Variants in RFX4 observed in about 807,000 individuals in gnomAD.
The protein encoded by RFX4 is transcription factor RFX4.
A neutral mutation model predicts 95.0 loss-of-function variants in RFX4; 10 were observed. The ratio of observed to expected loss-of-function variants is 0.11; its 90% CI spans 0.06 to 0.18. The LOEUF (loss-of-function observed/expected upper bound fraction) is 0.18, where lower values mean the gene tolerates loss of function less well. Ranked by LOEUF, RFX4 falls within the 10% of genes least tolerant of loss-of-function variation. RFX4 has a pLI of 1.00. For synonymous variants in RFX4, 321 were observed against 340.7 expected, an observed-to-expected ratio of 0.94 and a Z score of 0.64; for missense variants, 640 against 922.0, an observed-to-expected ratio of 0.69 and a Z score of 3.96.
chr12:106,623,190 C>A (rs2040220444), intron 2 of RFX4, among the ~76,000 whole-genome samples: 1 of 151,690 alleles, frequency 6.6e-6, no homozygotes, highest in African/African-American at 2.4e-5. Context: ...AGGCGCCCAC[C>A]ACTGCACCTG....
intron 17 of RFX4, among the ~76,000 whole-genome samples, chr12:106,757,612 A>C (rs1158647776): frequency 6.6e-6 from 1 of 151,858 alleles, no homozygotes; most frequent in African/African-American, 2.4e-5. Flanking sequence ...TGGGAGCTAC[A>C]TCCTTCTCCA....
chr12:106,587,895 TC>T (rs1354230681), intron 1 of RFX4, among the ~76,000 whole-genome samples: 1 of 152,102 alleles, frequency 6.6e-6, no homozygotes. Context: ...TTCTGATTTT[TC>T]CCCCCTTTTT....
At chr12:106,674,187 C>CA (rs1184170962) in intron 4 of RFX4, among the ~76,000 whole-genome samples, 1 of 152,234 alleles carries the variant, frequency 6.6e-6, no homozygotes, top group Non-Finnish European at 1.5e-5. Context: ...AGGTCCTTCC[C>CA]ATGGGCTATT....
chr12:106,731,831 C>T lies in RFX4; in HGVS notation c.1352-299C>T, dbSNP rs545172692. ...GATGAGGCCAGTGGGTAAGCAAGAG[C>T]TCAGAGATGGCTCGGTGGGTGCCAT... On this transcript the variant is annotated intron_variant, in intron 13 of 17. Coordinates refer to ENST00000392842, the MANE Select transcript of RFX4 (RefSeq NM_213594.3). 7.9e-5 allele frequency among the ~76,000 whole-genome samples: 12 copies of T among 152,152 alleles called. No homozygotes were observed. The South Asian group carries it at 2.5e-3, about 32-fold the overall frequency.
rs75269667 is a variant in RFX4 at position 106,749,849 on chromosome 12, G to A, written c.1797-806G>A. Among the ~76,000 whole-genome samples, 361 of 152,242 alleles carry A rather than the reference G, an allele frequency of 2.4e-3. 14 individuals are homozygous for A. In the East Asian group the frequency reaches 0.052, roughly 22 times the overall value. The stretch of plus-strand genomic sequence containing the variant: ...GGGTCTTTGATGCCTGTTTGAACAC[G>A]CCATGGTGCTCTCCCCCCAGGAGAC... On this transcript the variant is annotated intron_variant, in intron 16 of 17. Transcript: ENST00000392842.
intron 3 of RFX4, among the ~76,000 whole-genome samples, chr12:106,640,354 C>G (rs2040596336): frequency 6.6e-6 from 1 of 152,142 alleles, no homozygotes. Flanking sequence ...GAGGACAGAT[C>G]AGAAAAGGAA....
At chr12:106,705,144 C>T (rs2042059962) in intron 8 of RFX4, among the ~76,000 whole-genome samples, 2 of 152,202 alleles carry the variant, frequency 1.3e-5, no homozygotes, top group Non-Finnish European at 2.9e-5. Context: ...TTGGGACTAA[C>T]AACAGTATGT....
At chr12:106,650,045 G>A (rs116960016) in intron 3 of RFX4, among the ~76,000 whole-genome samples, 3,344 of 152,260 alleles carry the variant, frequency 0.022, 57 homozygotes, top group Middle Eastern at 0.051. Context: ...CAGCCACTAT[G>A]TGCCAGGCTT....
At chr12:106,662,277 G>C in intron 4 of RFX4, 1 of 244,498 alleles carries the variant, frequency 4.1e-6, no homozygotes, top group South Asian at 4.6e-5. Flanking sequence ...GTAGTGGTAT[G>C]TCGTTGTTTT....
chr12:106,669,426 G>T (rs753705079), intron 4 of RFX4, among the ~76,000 whole-genome samples: 1 of 152,134 alleles, frequency 6.6e-6, no homozygotes. Context: ...TGAAGATTTG[G>T]CTCCTTTCTC....
intron 1 of RFX4, chr12:106,601,417 C>T: frequency 1.4e-6 from 2 of 1,466,720 alleles, no homozygotes; most frequent in Admixed American, 4.7e-5. Context: ...GGGGCCAGGC[C>T]CGCCTTGGTA....
intron 17 of RFX4, among the ~76,000 whole-genome samples, chr12:106,755,726 G>A (rs895531217): frequency 6.6e-6 from 1 of 152,138 alleles, no homozygotes; most frequent in African/African-American, 2.4e-5. Flanking sequence ...CCAGAGCAGG[G>A]GTCAAGCTGT....
intron 5 of RFX4, 146 bp from the exon 6 acceptor site, chr12:106,686,738 C>A (rs1262896487): frequency 1.5e-6 from 1 of 672,192 alleles, no homozygotes; most frequent in African/African-American, 1.8e-5. Flanking sequence ...GGAGAGTTAA[C>A]TCTTCTATCC....
chr12:106,615,127 T>C (rs1221034957), intron 2 of RFX4, among the ~76,000 whole-genome samples: 1 of 152,196 alleles, frequency 6.6e-6, no homozygotes, highest in Non-Finnish European at 1.5e-5. Flanking sequence ...CTTTCATTTT[T>C]ATATCAATAG....
intron 1 of RFX4, among the ~76,000 whole-genome samples, chr12:106,598,745 A>C (rs1330722200): frequency 6.6e-6 from 1 of 152,164 alleles, no homozygotes; most frequent in African/African-American, 2.4e-5. Flanking sequence ...AATAAAATAA[A>C]AACCCAAAAG....
Position 106,687,000 on chromosome 12 carries a change from C to A in RFX4, c.494C>A (p.Thr165Lys), listed in dbSNP as rs150288419. The A allele has an allele frequency of 1.2e-6, 2 of 1,613,948 alleles. No individual in the cohort carries two copies. The highest frequency in any genetic ancestry group is 1.7e-6 in the Non-Finnish European group (2 of 1,180,026). ...GGCAAGAAAGAAGTGAGCAAACAGACAGTGGCATATTCACCCCGGTCCAAA... is the reference window on the plus strand; with the variant it reads ...GGCAAGAAAGAAGTGAGCAAACAGAAAGTGGCATATTCACCCCGGTCCAAA... ...ETGKKEVSKQTVAYSPRSKLG... is the reference protein window; with the variant it reads ...ETGKKEVSKQKVAYSPRSKLG... The change falls in exon 6 of 18, where the codon ACA (threonine) becomes AAA (lysine). Residue 165 changes from threonine to lysine, a missense_variant. Thr to Lys is a moderately conservative substitution (Grantham distance 78). Transcript: ENST00000392842.
intron 1 of RFX4, among the ~76,000 whole-genome samples, chr12:106,598,907 T>C (rs1380745194): frequency 1.3e-5 from 2 of 152,156 alleles, no homozygotes. Flanking sequence ...TAACATTAAG[T>C]AGTAGTAGGT....
chr12:106,725,867 T>A (rs1159385052), intron 13 of RFX4, among the ~76,000 whole-genome samples: 1 of 152,174 alleles, frequency 6.6e-6, no homozygotes, highest in Non-Finnish European at 1.5e-5. Flanking sequence ...TAAATGTTTT[T>A]ATAGGCAAGT....
intron 17 of RFX4, among the ~76,000 whole-genome samples, chr12:106,759,131 G>C (rs985722642): frequency 2.0e-5 from 3 of 152,230 alleles, no homozygotes; most frequent in African/African-American, 7.2e-5. Context: ...AGAGGCACAG[G>C]CTGGGGTGTT....
Sources: allele counts gnomAD v4.1 joint callset (sites outside exome capture counted in the v4.1 genomes callset), GRCh38; gene constraint gnomAD v4.1.1; transcripts MANE v1.5; gene names NCBI Gene and HGNC (gene_info 2026-07-23, HGNC 2026-07-21).